The following SLC14A2 variants were observed in gnomAD, a reference collection of about 807,000 sequenced individuals.
The protein encoded by SLC14A2 is urea transporter 2.
SLC14A2 carries 91 observed loss-of-function variants against 104.6 expected under a neutral mutation model. That is an observed-to-expected ratio of 0.87 (90% CI 0.73 to 1.04). The LOEUF is 1.04. SLC14A2 is among the 50% of genes least tolerant of loss of function. SLC14A2 has a pLI of 0.00. For synonymous variants in SLC14A2, 476 were observed against 466.4 expected, an observed-to-expected ratio of 1.02 and a Z score of -0.27; for missense variants, 1,189 against 1,156.0, an observed-to-expected ratio of 1.03 and a Z score of -0.41.
chr18:45,663,416 G>A (rs2045962910), intron 10 of SLC14A2, among the ~76,000 whole-genome samples: 1 of 152,174 alleles, frequency 6.6e-6, no homozygotes, highest in Non-Finnish European at 1.5e-5. Flanking sequence ...CTAACATGCA[G>A]GCAGTTTTGG....
At chr18:45,575,783 CTTG>C (rs2044409761) in intron 2 of SLC14A2, among the ~76,000 whole-genome samples, 1 of 146,290 alleles carries the variant, frequency 6.8e-6, no homozygotes, top group South Asian at 2.2e-4. Flanking sequence ...CCTAGTTTGT[CTTG>C]TTCTTTTTTT....
At chr18:45,602,502 C>T (rs2044805341) in intron 2 of SLC14A2, among the ~76,000 whole-genome samples, 1 of 152,174 alleles carries the variant, frequency 6.6e-6, no homozygotes, top group South Asian at 2.1e-4. Context: ...TCTGGCCTCA[C>T]CCCAAGGGTG....
At chr18:45,520,839 G>A (rs1206103041) in intron 2 of SLC14A2, among the ~76,000 whole-genome samples, 2 of 152,208 alleles carry the variant, frequency 1.3e-5, no homozygotes, top group African/African-American at 2.4e-5. Flanking sequence ...ATAAGGGAAA[G>A]GCTTACTAAG....
chr18:45,643,593 T>C (rs749070398), intron 9 of SLC14A2, among the ~76,000 whole-genome samples: 3 of 152,148 alleles, frequency 2.0e-5, no homozygotes, highest in East Asian at 1.9e-4. Context: ...AATGCAGTAG[T>C]GCAATCTTGG....
intron 1 of SLC14A2, among the ~76,000 whole-genome samples, chr18:45,441,327 A>G (rs1478472454): frequency 2.6e-5 from 4 of 152,204 alleles, no homozygotes; most frequent in African/African-American, 9.7e-5. Flanking sequence ...TGATATTCAA[A>G]TGATTTGGAA....
intron 1 of SLC14A2, among the ~76,000 whole-genome samples, chr18:45,319,771 AC>A (rs2085166623): frequency 6.6e-6 from 1 of 152,204 alleles, no homozygotes; most frequent in Non-Finnish European, 1.5e-5. Flanking sequence ...AACTGTGCTC[AC>A]CTCACATCAC....
chr18:45,250,491 T>G (rs1393856353), intron 1 of SLC14A2, among the ~76,000 whole-genome samples: 1 of 152,236 alleles, frequency 6.6e-6, no homozygotes, highest in Non-Finnish European at 1.5e-5. Flanking sequence ...CTAATTTTTA[T>G]GACTCTTGTT....
intron 10 of SLC14A2, chr18:45,644,432 T>G (rs551559522): frequency 8.7e-6 from 3 of 345,630 alleles, no homozygotes; most frequent in Non-Finnish European, 1.6e-5. Context: ...TCTTAAATGT[T>G]GTTGACTTAA....
chr18:45,372,572 G>A (rs937186417), intron 1 of SLC14A2, among the ~76,000 whole-genome samples: 1 of 152,114 alleles, frequency 6.6e-6, no homozygotes, highest in Admixed American at 6.5e-5. Flanking sequence ...GCTGGTAGAG[G>A]CGAAGTCTTC....
intron 1 of SLC14A2, among the ~76,000 whole-genome samples, chr18:45,622,477 T>G (rs916902697): frequency 6.6e-6 from 1 of 152,084 alleles, no homozygotes; most frequent in African/African-American, 2.4e-5. Flanking sequence ...AGTAGACAAC[T>G]AAATCTGTTA....
intron 1 of SLC14A2, among the ~76,000 whole-genome samples, chr18:45,340,304 A>T (rs1290932660): frequency 6.6e-6 from 1 of 152,260 alleles, no homozygotes; most frequent in African/African-American, 2.4e-5. Context: ...CCTAAGATTT[A>T]GAAATGACTG....
chr18:45,293,428 A>AAT (rs988101865), intron 1 of SLC14A2, among the ~76,000 whole-genome samples: 8 of 152,250 alleles, frequency 5.3e-5, no homozygotes, highest in Admixed American at 3.3e-4. Flanking sequence ...CATATATTAA[A>AAT]ATATATATAT....
At chr18:45,323,773 A>G (rs1437606149) in intron 1 of SLC14A2, among the ~76,000 whole-genome samples, 1 of 152,226 alleles carries the variant, frequency 6.6e-6, no homozygotes, top group African/African-American at 2.4e-5. Context: ...TTGCCAAGGT[A>G]GATTCCAAAC....
At chr18:45,409,372 G>A (rs898359628) in intron 1 of SLC14A2, among the ~76,000 whole-genome samples, 14 of 152,096 alleles carry the variant, frequency 9.2e-5, no homozygotes, top group African/African-American at 2.9e-4. Flanking sequence ...CAATGCCTAC[G>A]GCTACTCCGT....
At position 45,673,775 on chromosome 18, in the gene SLC14A2, T is replaced by A; in HGVS notation, c.2470T>A (p.Tyr824Asn). 6.2e-7 allele frequency: 1 copy of A among 1,614,232 alleles called. No homozygotes were observed. Among genetic ancestry groups the A allele is most frequent in the South Asian group, 1.1e-5 (1 of 91,090 alleles). Residue 824 changes from tyrosine to asparagine, a missense_variant, in exon 18 of 20, where the codon TAC becomes AAC. By Grantham distance (143) the Tyr-to-Asn change is moderately radical. Transcript: ENST00000255226. ...LACIAIGGMFYVITWQTHLLA... is the reference protein window; with the variant it reads ...LACIAIGGMFNVITWQTHLLA... ...ATGCATAGCGATAGGAGGCATGTTCTACGTCATCACCTGGCAGACGCACCT... is the reference window on the plus strand; with the variant it reads ...ATGCATAGCGATAGGAGGCATGTTCAACGTCATCACCTGGCAGACGCACCT...
At chr18:45,324,881 T>C (rs2085219333) in intron 1 of SLC14A2, among the ~76,000 whole-genome samples, 1 of 152,104 alleles carries the variant, frequency 6.6e-6, no homozygotes, top group Non-Finnish European at 1.5e-5. Context: ...TAACTCGAGA[T>C]CTATTTACTA....
In SLC14A2 at chr18:45,540,143, G is replaced by C. The variant is rs2043864256; in HGVS notation, c.-35+56821G>C. On this transcript the variant is annotated intron_variant, in intron 2 of 20. Coordinates refer to the SLC14A2 transcript ENST00000586448. ...GTGACTGAGAGGGCAGAGTGGCTGG[G>C]ACACCTATTTTGCTGCTGCCCCAGA... is the stretch of plus-strand genomic sequence containing the variant. 6.6e-5 allele frequency among the ~76,000 whole-genome samples: 10 copies of C among 151,994 alleles called. No homozygotes were observed. In the South Asian group the frequency reaches 2.1e-3, roughly 32 times the overall value.
At position 45,667,987 on chromosome 18, in the gene SLC14A2, G is replaced by C; in HGVS notation, c.1872G>C (p.Met624Ile). The C allele has an allele frequency of 6.2e-7, 1 of 1,614,070 alleles. No homozygotes were observed. Among genetic ancestry groups the C allele is most frequent in the Non-Finnish European group, 8.5e-7 (1 of 1,180,000 alleles). The change falls in exon 14 of 20, where the codon ATG becomes ATC. Residue 624 changes from methionine (M) to isoleucine (I), a missense_variant. By Grantham distance (10) the Met-to-Ile change is conservative. Transcript: ENST00000255226. ...TCTCAGGCTGCCTGGGTACCATCAT[G>C]TCCACCTTGACAGCCCTCATCCTGA... ...WAISGCLGTI[M>I]STLTALILSQ...
chr18:45,679,749 G>C (rs1417101330), intron 19 of SLC14A2, among the ~76,000 whole-genome samples: 1 of 152,214 alleles, frequency 6.6e-6, no homozygotes, highest in African/African-American at 2.4e-5. Flanking sequence ...AAAATGGGTG[G>C]CTTGGACTTA....
Sources: gnomAD v4.1 joint callset for allele counts (sites outside exome capture counted in the v4.1 genomes callset) on GRCh38, gnomAD v4.1.1 for gene constraint, MANE v1.5 for transcripts, NCBI Gene and HGNC (gene_info 2026-07-23, HGNC 2026-07-21) for gene names.